Variants in RBMS3 observed in about 807,000 individuals in gnomAD.
RBMS3 encodes the protein RNA-binding motif, single-stranded-interacting protein 3.
A neutral mutation model predicts 66.8 loss-of-function variants in RBMS3; 27 were observed. The ratio of observed to expected loss-of-function variants is 0.40; its 90% CI spans 0.30 to 0.56. The LOEUF (loss-of-function observed/expected upper bound fraction) is 0.56. Ranked by LOEUF, RBMS3 falls within the 20% of genes least tolerant of loss-of-function variation. The pLI is 0.40. For synonymous variants in RBMS3, 188 were observed against 183.0 expected, an observed-to-expected ratio of 1.03 and a Z score of -0.22; for missense variants, 513 against 549.5, an observed-to-expected ratio of 0.93 and a Z score of 0.66.
chr3:29,879,638 T>A (rs779732140), intron 7 of RBMS3, among the ~76,000 whole-genome samples: 1 of 152,154 alleles, frequency 6.6e-6, no homozygotes. Flanking sequence ...TACCCAATTA[T>A]GTATCAGGCC....
At chr3:29,700,312 GTTCT>G (rs1375248962) in intron 4 of RBMS3, among the ~76,000 whole-genome samples, 16 of 152,180 alleles carry the variant, frequency 1.1e-4, no homozygotes, top group Admixed American at 9.8e-4. Flanking sequence ...ATAGTATGGA[GTTCT>G]TTTTCAGTCT....
chr3:29,931,665 A>T (rs1039512935), intron 10 of RBMS3, among the ~76,000 whole-genome samples: 3 of 141,952 alleles, frequency 2.1e-5, no homozygotes, highest in African/African-American at 7.6e-5. Flanking sequence ...AACAGTTGAC[A>T]TCAACAAATG....
At chr3:29,782,201 C>T (rs1206040641) in intron 6 of RBMS3, among the ~76,000 whole-genome samples, 1 of 152,122 alleles carries the variant, frequency 6.6e-6, no homozygotes, top group Non-Finnish European at 1.5e-5. Context: ...GAAAGCTCCA[C>T]CTCCTACCTG....
chr3:29,757,721 T>A (rs1490538252), intron 5 of RBMS3, among the ~76,000 whole-genome samples: 2 of 152,334 alleles, frequency 1.3e-5, no homozygotes, highest in African/African-American at 4.8e-5. Context: ...GAAGCCATAA[T>A]GATAATATAG....
At chr3:29,546,026 C>G (rs565159170) in intron 3 of RBMS3, among the ~76,000 whole-genome samples, 3 of 151,736 alleles carry the variant, frequency 2.0e-5, no homozygotes, top group Non-Finnish European at 4.4e-5. Flanking sequence ...CAGAATAAAA[C>G]GCTGACAAAA....
At chr3:29,813,099 A>T (rs1295162978) in intron 6 of RBMS3, among the ~76,000 whole-genome samples, 1 of 152,124 alleles carries the variant, frequency 6.6e-6, no homozygotes, top group African/African-American at 2.4e-5. Flanking sequence ...TTAGACATAA[A>T]TGATGTTTCC....
At chr3:30,000,162 A>G (rs1349896609) in intron 14 of RBMS3, among the ~76,000 whole-genome samples, 1 of 152,178 alleles carries the variant, frequency 6.6e-6, no homozygotes, top group East Asian at 1.9e-4. Flanking sequence ...AAGGTCTAAT[A>G]TCCAGAATCT....
At chr3:29,911,712 C>T (rs957735640) in intron 10 of RBMS3, among the ~76,000 whole-genome samples, 1 of 152,012 alleles carries the variant, frequency 6.6e-6, no homozygotes, top group Non-Finnish European at 1.5e-5. Flanking sequence ...TCAACAAATG[C>T]TTCGTTGCTA....
chr3:29,610,144 A>G (rs2048445453), intron 4 of RBMS3, among the ~76,000 whole-genome samples: 1 of 152,050 alleles, frequency 6.6e-6, no homozygotes, highest in African/African-American at 2.4e-5. Context: ...ACAAATATCC[A>G]GGGAGATATG....
At chr3:29,916,105 A>G (rs2060633094) in intron 10 of RBMS3, among the ~76,000 whole-genome samples, 1 of 152,026 alleles carries the variant, frequency 6.6e-6, no homozygotes, top group Non-Finnish European at 1.5e-5. Flanking sequence ...ACACAATTTC[A>G]TCTTATAACT....
At chr3:29,447,135 A>G (rs993190571) in intron 2 of RBMS3, among the ~76,000 whole-genome samples, 1 of 151,388 alleles carries the variant, frequency 6.6e-6, no homozygotes, top group African/African-American at 2.4e-5. Context: ...CTGGTCTCGA[A>G]CTCCTGACCT....
intron 4 of RBMS3, among the ~76,000 whole-genome samples, chr3:29,699,947 G>T (rs541853188): frequency 6.6e-6 from 1 of 152,220 alleles, no homozygotes; most frequent in Admixed American, 6.5e-5. Flanking sequence ...GATGATGATG[G>T]CCTATTATTT....
intron 1 of RBMS3, among the ~76,000 whole-genome samples, chr3:29,293,794 C>T (rs1416935314): frequency 6.6e-6 from 1 of 151,192 alleles, no homozygotes; most frequent in African/African-American, 2.4e-5. Flanking sequence ...AAGTTTTCTG[C>T]TATGGATTTG....
intron 1 of RBMS3, among the ~76,000 whole-genome samples, chr3:29,415,391 T>A (rs1191444999): frequency 6.6e-6 from 1 of 152,188 alleles, no homozygotes; most frequent in East Asian, 1.9e-4. Flanking sequence ...TTATGAACAT[T>A]TGAAAATAGA....
intron 3 of RBMS3, among the ~76,000 whole-genome samples, chr3:29,526,831 TTC>T (rs1403131936): frequency 6.6e-6 from 1 of 151,984 alleles, no homozygotes; most frequent in African/African-American, 2.4e-5. Context: ...CTCCCTCTCT[TTC>T]TCTTTCTCTC....
chr3:29,910,005 A>G (rs1002104205), intron 10 of RBMS3, among the ~76,000 whole-genome samples: 14 of 152,132 alleles, frequency 9.2e-5, no homozygotes, highest in Admixed American at 2.6e-4. Context: ...GAATTTCTTC[A>G]TTACTTCATC....
intron 4 of RBMS3, among the ~76,000 whole-genome samples, chr3:29,713,116 T>A (rs2053243637): frequency 1.3e-5 from 2 of 151,864 alleles, no homozygotes; most frequent in Non-Finnish European, 2.9e-5. Flanking sequence ...TCTATTATAT[T>A]ATATTATATA....
chr3:29,306,647 T>C (rs1187919872), intron 1 of RBMS3, among the ~76,000 whole-genome samples: 1 of 151,930 alleles, frequency 6.6e-6, no homozygotes, highest in African/African-American at 2.4e-5. Context: ...ACCAGAACTA[T>C]GTCATATCCA....
At chr3:29,390,464 A>G (rs543001621) in intron 1 of RBMS3, among the ~76,000 whole-genome samples, 1 of 152,324 alleles carries the variant, frequency 6.6e-6, no homozygotes, top group African/African-American at 2.4e-5. Flanking sequence ...TGATTATAAT[A>G]TAGACTGTTT....
Sources: allele counts gnomAD v4.1 joint callset (sites outside exome capture counted in the v4.1 genomes callset), GRCh38; gene constraint gnomAD v4.1.1; transcripts MANE v1.5; gene names NCBI Gene and HGNC (gene_info 2026-07-23, HGNC 2026-07-21).